BMPR1A: variants seen among roughly 807,000 people sequenced by gnomAD.
BMPR1A encodes the protein bone morphogenetic protein receptor type 1A.
Under a neutral mutation model 66.0 loss-of-function variants are expected in BMPR1A, and 7 were observed. The observed-to-expected ratio is 0.11, with a 90% CI of 0.06 to 0.20. The LOEUF is 0.20. Ranked by LOEUF, BMPR1A falls within the 10% of genes least tolerant of loss-of-function variation. The probability of loss-of-function intolerance (pLI) is 1.00; values close to 1 mark genes in which losing one functional copy is unlikely to be tolerated. For missense variants in BMPR1A, 408 were observed against 669.1 expected (o/e 0.61, Z 4.31); for synonymous variants, 200 against 229.7 (o/e 0.87, Z 1.17).
rs550928444 is a variant in BMPR1A at position 86,911,392 on chromosome 10, G to A, written c.531-848G>A. ...TTGGTATACAGATTATATAATGAAC[G>A]CCTACAAATCAATGAGGAGAAGAGT... On this transcript the variant is annotated intron_variant, in intron 7 of 12. Transcript: ENST00000372037. Among the ~76,000 whole-genome samples, 12 of 152,120 alleles carry A rather than the reference G, an allele frequency of 7.9e-5. No homozygotes were observed. In the South Asian group the frequency reaches 1.7e-3, roughly 21 times the overall value.
At chr10:86,917,507 T>C (rs917015767) in intron 9 of BMPR1A, among the ~76,000 whole-genome samples, 181 bp downstream of exon 9, 2 of 152,226 alleles carry the variant, frequency 1.3e-5, no homozygotes, top group Non-Finnish European at 2.9e-5. Flanking sequence ...GATCTTTCTT[T>C]ACTAACCAGC....
chr10:86,863,099 C>G (rs1368619449), intron 2 of BMPR1A, among the ~76,000 whole-genome samples: 1 of 151,874 alleles, frequency 6.6e-6, no homozygotes, highest in African/African-American at 2.4e-5. Flanking sequence ...CCTACCTCGG[C>G]CTCAAGTAGC....
At chr10:86,846,441 C>T (rs758961457) in intron 2 of BMPR1A, among the ~76,000 whole-genome samples, 2 of 152,166 alleles carry the variant, frequency 1.3e-5, no homozygotes, top group African/African-American at 2.4e-5. Context: ...GTTGGGCATT[C>T]ACATAAGATA....
At chr10:86,894,974 T>C (rs554260385) in intron 5 of BMPR1A, among the ~76,000 whole-genome samples, 1 of 152,284 alleles carries the variant, frequency 6.6e-6, no homozygotes, top group African/African-American at 2.4e-5. Context: ...TCTCAAGCAG[T>C]TCTCTTTCCC....
intron 10 of BMPR1A, among the ~76,000 whole-genome samples, chr10:86,919,716 G>GT (rs1160791794): frequency 6.2e-5 from 9 of 144,288 alleles, no homozygotes; most frequent in African/African-American, 1.6e-4. Flanking sequence ...TTTGTTTTTT[G>GT]TTTTTTTTAA....
In BMPR1A at chr10:86,790,234, T is replaced by TATATATATATAA. The variant is rs1190481905; in HGVS notation, c.-268+33317_-268+33318insATATATATAAAT. On this transcript the variant is annotated intron_variant, in intron 1 of 12. Transcript: ENST00000372037. ...ATATATATATATATATATATATATATATCAAAACCACAATGAGATTCTGCT... is the reference window on the plus strand; with the variant it reads ...ATATATATATATATATATATATATATATATATATATAAATCAAAACCACAATGAGATTCTGCT... Among the ~76,000 whole-genome samples, 22 of 48,012 alleles carry TATATATATATAA rather than the reference T, an allele frequency of 4.6e-4. 2 individuals are homozygous for TATATATATATAA. The highest frequency in any genetic ancestry group is 8.0e-4 in the Non-Finnish European group (19 of 23,670). 31.5% of individuals were successfully genotyped at this position (48,012 alleles called of 152,430 possible).
intron 2 of BMPR1A, chr10:86,855,189 C>A (rs1842623902): frequency 2.7e-5 from 16 of 587,596 alleles, no homozygotes; most frequent in Non-Finnish European, 4.3e-5. Flanking sequence ...CAGGCGTGAG[C>A]CACCACACCC....
At chr10:86,765,196 A>G (rs1399605570) in intron 1 of BMPR1A, among the ~76,000 whole-genome samples, 1 of 152,190 alleles carries the variant, frequency 6.6e-6, no homozygotes, top group Non-Finnish European at 1.5e-5. Flanking sequence ...AAAATCTAGT[A>G]TAAATCCTTG....
chr10:86,784,286 GT>G (rs1050442972), intron 1 of BMPR1A, among the ~76,000 whole-genome samples: 24 of 152,178 alleles, frequency 1.6e-4, no homozygotes, highest in Admixed American at 1.2e-3. Flanking sequence ...TTCCTTCCTA[GT>G]TTGTTGAGTG....
chr10:86,765,845 AT>A (rs1564677129), intron 1 of BMPR1A, among the ~76,000 whole-genome samples: 1 of 151,784 alleles, frequency 6.6e-6, no homozygotes, highest in Non-Finnish European at 1.5e-5. Flanking sequence ...GCTAGAAAAA[AT>A]TTTCTTTTCT....
intron 2 of BMPR1A, chr10:86,855,942 T>C: frequency 1.6e-6 from 1 of 640,772 alleles, no homozygotes; most frequent in Non-Finnish European, 2.9e-6. Context: ...TTAATGGCTT[T>C]ACTGCATAAC....
In BMPR1A at chr10:86,919,359, C is replaced by G. The variant is rs771026490; in HGVS notation, c.1056C>G (p.Thr352=). The change falls in exon 10 of 13, where the codon ACC becomes ACG. Residue 352 remains threonine, a synonymous_variant. Transcript: ENST00000372037. The part of the protein sequence containing the change: ...LCHLHTEIYG[T]QGKPAIAHRD... ...ACCTGCACACAGAAATTTATGGCAC[C>G]CAAGGAAAGCCCGCAATTGCTCATC... is the stretch of plus-strand genomic sequence containing the variant. 1 of 1,613,106 alleles carries G rather than the reference C, an allele frequency of 6.2e-7. No individual in the cohort carries two copies. The highest frequency in any genetic ancestry group is 8.5e-7 in the Non-Finnish European group (1 of 1,179,848).
Position 86,769,683 on chromosome 10 carries a change from CCCTTCT to C in BMPR1A, c.-268+12770_-268+12775del, listed in dbSNP as rs1163847311. ...AGCAGGGAGCACTGTAGTTTTTCTT[CCCTTCT>C]CCTTCCCTTGGAGTGTCCTTCCCTT... is the stretch of plus-strand genomic sequence containing the variant. On this transcript the variant is annotated intron_variant, in intron 1 of 12. Transcript: ENST00000372037. Among the ~76,000 whole-genome samples, 5 of 152,180 alleles carry C rather than the reference CCCTTCT, an allele frequency of 3.3e-5. No homozygotes were observed. The East Asian group carries it at 9.6e-4, about 29-fold the overall frequency.
At position 86,814,788 on chromosome 10, in the gene BMPR1A, G is replaced by T. The variant is rs541673906; in HGVS notation, c.-267-24077G>T. Among the ~76,000 whole-genome samples the T allele has an allele frequency of 1.7e-4, 25 of 151,032 alleles. 1 individual carries two copies. The East Asian group carries it at 1.7e-3, about 11-fold the overall frequency. On this transcript the variant is annotated intron_variant, in intron 1 of 12. Transcript: ENST00000372037. ...CCCGATTCCTTCACTGTTTTTTTTT[G>T]TTTGTTTGTTTTTTTGAGACGGAGT... is the stretch of plus-strand genomic sequence containing the variant.
intron 3 of BMPR1A, among the ~76,000 whole-genome samples, chr10:86,885,989 G>C (rs1294234388): frequency 6.6e-6 from 1 of 152,100 alleles, no homozygotes; most frequent in African/African-American, 2.4e-5. Context: ...GTAACTGTTT[G>C]TCTCTTTGTA....
intron 1 of BMPR1A, among the ~76,000 whole-genome samples, chr10:86,761,016 G>T (rs1022933689): frequency 3.3e-5 from 5 of 152,166 alleles, no homozygotes; most frequent in Non-Finnish European, 5.9e-5. Flanking sequence ...ATGAAAAATG[G>T]ATGCATCTTA....
intron 2 of BMPR1A, among the ~76,000 whole-genome samples, chr10:86,866,785 G>C (rs1392231647): frequency 6.6e-6 from 1 of 151,484 alleles, no homozygotes; most frequent in African/African-American, 2.4e-5. Flanking sequence ...ATGTGCTCAT[G>C]GTATACCCGA....
intron 1 of BMPR1A, among the ~76,000 whole-genome samples, chr10:86,819,269 T>TTCAATTATAC (rs1842084775): frequency 6.6e-6 from 1 of 152,204 alleles, no homozygotes; most frequent in Non-Finnish European, 1.5e-5. Flanking sequence ...TGGCTTGTCT[T>TTCAATTATAC]AGAAAACTTT....
chr10:86,764,945 C>T lies in BMPR1A; in HGVS notation c.-268+8026C>T, dbSNP rs1339995602. Among the ~76,000 whole-genome samples, 5 of 152,208 alleles carry T rather than the reference C, an allele frequency of 3.3e-5. No individual in the cohort carries two copies. In the East Asian group the frequency reaches 7.7e-4, roughly 23 times the overall value. ...GAAATATATTAAAACTGATTTTGGC[C>T]GGGCATGGTGGCTCATGCCTGTAAT... is the stretch of plus-strand genomic sequence containing the variant. On this transcript the variant is annotated intron_variant, in intron 1 of 12. Transcript: ENST00000372037.
Sources: allele counts gnomAD v4.1 joint callset (sites outside exome capture counted in the v4.1 genomes callset), GRCh38; gene constraint gnomAD v4.1.1; transcripts MANE v1.5; gene names NCBI Gene and HGNC (gene_info 2026-07-23, HGNC 2026-07-21).